The following RIN2 variants were observed in gnomAD, a reference collection of about 807,000 sequenced individuals.
RIN2 encodes the protein RAB5 interacting protein 2.
Under a neutral mutation model 78.0 loss-of-function variants are expected in RIN2, and 36 were observed. The observed-to-expected ratio is 0.46, with a 90% CI of 0.35 to 0.61. The LOEUF (loss-of-function observed/expected upper bound fraction) is 0.61, where lower values mean the gene tolerates loss of function less well. Ranked by LOEUF, RIN2 falls within the 20% of genes least tolerant of loss-of-function variation. RIN2 has a pLI of 0.00. For synonymous variants in RIN2, 466 were observed against 466.8 expected (o/e 1.00, Z 0.02); for missense variants, 1,087 against 1,159.7 (o/e 0.94, Z 0.91).
intron 2 of RIN2, among the ~76,000 whole-genome samples, chr20:19,832,192 G>A (rs970904567): frequency 1.3e-5 from 2 of 151,160 alleles, no homozygotes; most frequent in African/African-American, 4.9e-5. Context: ...AGCCCAGTGG[G>A]GATACTAAGG....
intron 1 of RIN2, among the ~76,000 whole-genome samples, chr20:19,764,918 G>GTTTTTTTTGTT (rs2033807513): frequency 2.0e-5 from 1 of 50,360 alleles, no homozygotes; most frequent in African/African-American, 6.5e-5. Context: ...CACTTTCTGC[G>GTTTTTTTTGTT]TTTTTTTTTT....
At chr20:19,845,413 A>C (rs2036748474) in intron 2 of RIN2, among the ~76,000 whole-genome samples, 1 of 152,136 alleles carries the variant, frequency 6.6e-6, no homozygotes, top group Admixed American at 6.5e-5. Context: ...CTGACTTTTT[A>C]ATGATCACCA....
chr20:19,994,016 A>G (rs2042879669), intron 11 of RIN2, among the ~76,000 whole-genome samples: 1 of 152,230 alleles, frequency 6.6e-6, no homozygotes, highest in Admixed American at 6.5e-5. Flanking sequence ...AGAAACAGCT[A>G]CTTCCTGCCC....
intron 4 of RIN2, 117 bp from the exon 5 acceptor site, chr20:19,956,498 G>A (rs773203767): frequency 1.9e-5 from 16 of 828,220 alleles, no homozygotes; most frequent in African/African-American, 5.1e-5. Context: ...TTAAGGGGGC[G>A]ATCACAAGAT....
intron 2 of RIN2, among the ~76,000 whole-genome samples, chr20:19,869,077 G>A (rs1364921632): frequency 9.2e-5 from 7 of 76,416 alleles, no homozygotes; most frequent in South Asian, 5.1e-4. Context: ...GCAAGACTCC[G>A]TCTCAAAAAA....
At chr20:19,958,414 G>C (rs1411593772) in intron 5 of RIN2, among the ~76,000 whole-genome samples, 1 of 152,262 alleles carries the variant, frequency 6.6e-6, no homozygotes, top group Non-Finnish European at 1.5e-5. Flanking sequence ...CCCCTCCCAA[G>C]GTAGGGCACG....
intron 1 of RIN2, among the ~76,000 whole-genome samples, chr20:19,760,665 C>T (rs1301722697): frequency 2.0e-5 from 3 of 152,152 alleles, no homozygotes; most frequent in Non-Finnish European, 4.4e-5. Context: ...GGGTATGCTA[C>T]CCTGAGAGGT....
intron 3 of RIN2, among the ~76,000 whole-genome samples, chr20:19,889,900 GGCTGAGGCTGTCTTTATTTGAGAGCT>G (rs1213864017): frequency 6.6e-5 from 10 of 152,282 alleles, no homozygotes; most frequent in Admixed American, 5.2e-4. Context: ...TGTGCAAGAC[GGCTGAGGCTGTCTTTATTTGAGAGCT>G]GCTCAGTTTG....
At chr20:19,787,324 G>A (rs1325591723) in intron 1 of RIN2, among the ~76,000 whole-genome samples, 1 of 151,166 alleles carries the variant, frequency 6.6e-6, no homozygotes, top group African/African-American at 2.4e-5. Context: ...TTGGGAAGCT[G>A]AGGCAGGAGA....
chr20:19,841,666 A>G (rs2036580446), intron 2 of RIN2, among the ~76,000 whole-genome samples: 1 of 152,206 alleles, frequency 6.6e-6, no homozygotes, highest in African/African-American at 2.4e-5. Flanking sequence ...GAGAAAAAGC[A>G]TTTAAGGATG....
intron 1 of RIN2, among the ~76,000 whole-genome samples, chr20:19,762,226 C>A (rs548434838): frequency 1.3e-5 from 2 of 152,312 alleles, no homozygotes; most frequent in African/African-American, 4.8e-5. Context: ...ATTTTTAAAT[C>A]AGAGTTTGCC....
chr20:19,802,580 C>G (rs1222379556), intron 2 of RIN2, among the ~76,000 whole-genome samples: 2 of 151,960 alleles, frequency 1.3e-5, no homozygotes, highest in Admixed American at 1.3e-4. Context: ...TATAGAAAGG[C>G]AGGCTGGAGG....
chr20:19,930,621 G>T (rs1318720847), intron 3 of RIN2, among the ~76,000 whole-genome samples: 1 of 152,150 alleles, frequency 6.6e-6, no homozygotes, highest in African/African-American at 2.4e-5. Context: ...TTTGCCAGAG[G>T]CTGTGGCCGG....
chr20:19,775,674 CA>C (rs1281421979), intron 1 of RIN2, among the ~76,000 whole-genome samples: 1 of 152,244 alleles, frequency 6.6e-6, no homozygotes, highest in Non-Finnish European at 1.5e-5. Context: ...TTAGAGAACA[CA>C]AGCATTTGCT....
chr20:19,895,975 TC>T (rs1278091258), intron 3 of RIN2: 10 of 152,194 alleles, frequency 6.6e-5, no homozygotes, highest in Non-Finnish European at 1.2e-4. Context: ...AATTTTTCAA[TC>T]ATTCAGAACT....
chr20:19,959,903 T>C (rs2041682317), intron 5 of RIN2, among the ~76,000 whole-genome samples: 1 of 152,162 alleles, frequency 6.6e-6, no homozygotes, highest in Non-Finnish European at 1.5e-5. Context: ...CATACTTAAC[T>C]CTGCAGTGAT....
chr20:19,825,460 C>A (rs1466586191), intron 2 of RIN2, among the ~76,000 whole-genome samples: 1 of 152,188 alleles, frequency 6.6e-6, no homozygotes, highest in South Asian at 2.1e-4. Flanking sequence ...TACTCCTCTC[C>A]CCTTCCCAGT....
intron 2 of RIN2, among the ~76,000 whole-genome samples, chr20:19,831,353 A>G (rs996026790): frequency 1.1e-4 from 17 of 152,228 alleles, no homozygotes; most frequent in African/African-American, 4.1e-4. Flanking sequence ...CAGACATCCA[A>G]GTTTTTCTTT....
chr20:19,999,655 G>T (rs2043080674), intron 12 of RIN2, among the ~76,000 whole-genome samples: 1 of 152,218 alleles, frequency 6.6e-6, no homozygotes, highest in Non-Finnish European at 1.5e-5. Flanking sequence ...AAATCTAGGA[G>T]AGCCTGATGT....
Sources: allele counts gnomAD v4.1 joint callset (sites outside exome capture counted in the v4.1 genomes callset), GRCh38; gene constraint gnomAD v4.1.1; transcripts MANE v1.5; gene names NCBI Gene and HGNC (gene_info 2026-07-23, HGNC 2026-07-21).